The following WBP11 variants were observed in gnomAD, a reference collection of about 807,000 sequenced individuals.
WBP11 encodes the protein WW domain-binding protein 11.
WBP11 carries 12 observed loss-of-function variants against 66.7 expected under a neutral mutation model. The ratio of observed to expected loss-of-function variants is 0.18; its 90% CI spans 0.12 to 0.29. The LOEUF is 0.29. Among genes scored for constraint, WBP11 ranks in the 10% least tolerant of loss-of-function variants. The probability of loss-of-function intolerance (pLI) is 1.00; values close to 1 mark genes in which losing one functional copy is unlikely to be tolerated. For missense variants in WBP11, 555 were observed against 818.3 expected (o/e 0.68, Z 3.93); for synonymous variants, 255 against 273.8 (o/e 0.93, Z 0.68).
intron 2 of WBP11, 172 bp from the exon 3 acceptor site, chr12:14,800,955 C>T: frequency 1.9e-6 from 1 of 521,294 alleles, no homozygotes; most frequent in Non-Finnish European, 3.3e-6. Flanking sequence ...CTAATTATGA[C>T]AACCAAAAAT....
intron 3 of WBP11, 126 bp downstream of exon 3, chr12:14,800,626 T>C: frequency 1.1e-6 from 1 of 947,876 alleles, no homozygotes; most frequent in South Asian, 1.6e-5. Context: ...CTTACAGTTT[T>C]TATAAAAAGC....
intron 11 of WBP11, 98 bp downstream of exon 11, chr12:14,788,853 G>T: frequency 1.5e-6 from 1 of 649,328 alleles, no homozygotes; most frequent in Non-Finnish European, 2.4e-6. Flanking sequence ...ACTGTAAGAT[G>T]ACCTCAGATT....
rs760962471 is a variant in WBP11 at position 14,790,587 on chromosome 12, G to A, written c.1178C>T (p.Pro393Leu). The A allele has an allele frequency of 1.7e-5, 28 of 1,613,886 alleles. No homozygotes were observed. The highest frequency in any genetic ancestry group is 5.5e-5 in the South Asian group (5 of 91,080). Residue 393 changes from proline to leucine, a missense_variant, in exon 10 of 12, where the codon CCG (proline) becomes CTG (leucine). Coordinates refer to ENST00000261167, the MANE Select transcript of WBP11 (RefSeq NM_016312.3). ...TSTASSQQQAPPQSVPPSQIQ... is the reference protein window; with the variant it reads ...TSTASSQQQALPQSVPPSQIQ... ...CTGAGAAGGAGGAACAGACTGCGGC[G>A]GAGCCTGCTGCTGTGAAGAAGCAGT...
At chr12:14,790,314 G>C in intron 10 of WBP11, 142 bp downstream of exon 10, 10 of 1,162,938 alleles carry the variant, frequency 8.6e-6, no homozygotes, top group Non-Finnish European at 1.2e-5. Flanking sequence ...ACCTTTACTT[G>C]TCCTTTGAGA....
intron 10 of WBP11, among the ~76,000 whole-genome samples, chr12:14,790,185 A>G (rs193080604): frequency 1.3e-5 from 2 of 152,368 alleles, no homozygotes; most frequent in Admixed American, 1.3e-4. Context: ...AACCTCCATT[A>G]CATGTTCAAG....
At position 14,784,702 on chromosome 12, in the gene WBP11, T is replaced by C. The variant is rs902952462; in HGVS notation, c.*2363A>G. ...GATTCCATGACATGGCAGAGTATTA[T>C]TGTGGTGATCCTTAATTTAAAGGGG... On this transcript the variant is annotated 3_prime_UTR_variant, in exon 12 of 12. Transcript: ENST00000261167. 6.6e-6 allele frequency: 1 copy of C among 152,156 alleles called. No homozygotes were observed. The highest frequency in any genetic ancestry group is 6.5e-5 in the Admixed American group (1 of 15,276). The allele number at this position is 152,156 out of a possible 1,614,324, so 9.4% of individuals were successfully genotyped here. A position where few individuals can be genotyped will look rare whatever the true frequency, so the allele number is the denominator to read the frequency against.
chr12:14,797,675 A>C (rs1949909245), intron 4 of WBP11, among the ~76,000 whole-genome samples: 1 of 152,218 alleles, frequency 6.6e-6, no homozygotes, highest in Non-Finnish European at 1.5e-5. Context: ...CAATTAGCAC[A>C]TGATCCAAAC....
rs1472894735 is a variant in WBP11 at position 14,784,863 on chromosome 12, GATC to G, written c.*2199_*2201del. On this transcript the variant is annotated 3_prime_UTR_variant, in exon 12 of 12. Coordinates refer to ENST00000261167, the MANE Select transcript of WBP11 (RefSeq NM_016312.3). Reference sequence around the variant, plus strand: ...TTCATGAAAATATTATGTAAATTATGATCATAACAAGTGTACCCAGAATCAGAA... The same window carrying G: ...TTCATGAAAATATTATGTAAATTATGATAACAAGTGTACCCAGAATCAGAA... 2 of 152,140 alleles carry G rather than the reference GATC, an allele frequency of 1.3e-5. No homozygotes were observed. Among genetic ancestry groups the G allele is most frequent in the African/African-American group, 2.4e-5 (1 of 41,422 alleles). The allele number at this position is 152,140 out of a possible 1,614,324, so 9.4% of individuals were successfully genotyped here. A position where few individuals can be genotyped will look rare whatever the true frequency, so the allele number is the denominator to read the frequency against.
chr12:14,792,349 A>G (rs1339361034), intron 8 of WBP11, among the ~76,000 whole-genome samples: 1 of 152,230 alleles, frequency 6.6e-6, no homozygotes, highest in Non-Finnish European at 1.5e-5. Flanking sequence ...ACTGGATAGG[A>G]GTATTTTTAG....
chr12:14,803,280 C>T, intron 1 of WBP11, 72 bp downstream of exon 1: 1 of 396,100 alleles, frequency 2.5e-6, no homozygotes, highest in Non-Finnish European at 4.4e-6. Flanking sequence ...GGGTGTCCCC[C>T]AAGCCGCTGC....
At chr12:14,795,183 T>A in intron 5 of WBP11, 79 bp from the exon 6 acceptor site, 1 of 1,420,622 alleles carries the variant, frequency 7.0e-7, no homozygotes, top group Non-Finnish European at 9.2e-7. Context: ...GTCAGCTGTT[T>A]CGTAACTTGG....
At position 14,793,942 on chromosome 12, in the gene WBP11, C is replaced by T. The variant is rs775777835; in HGVS notation, c.722-20G>A. ...GCTGGGCTGAAAAGTGGGAAGGGAACATGGAGAAGTAGTATGATTGGACCC... is the reference window on the plus strand; with the variant it reads ...GCTGGGCTGAAAAGTGGGAAGGGAATATGGAGAAGTAGTATGATTGGACCC... On this transcript the variant is annotated intron_variant, in intron 7 of 11. Transcript: ENST00000261167. 1 of 1,583,292 alleles carries T rather than the reference C, an allele frequency of 6.3e-7. No homozygotes were observed. Among genetic ancestry groups the T allele is most frequent in the Non-Finnish European group, 8.6e-7 (1 of 1,164,056 alleles).
chr12:14,793,640 AG>A, intron 8 of WBP11, 90 bp downstream of exon 8: 3 of 1,428,192 alleles, frequency 2.1e-6, no homozygotes, highest in Non-Finnish European at 2.8e-6. Flanking sequence ...CAAAGATTTC[AG>A]AGTACTCTCA....
intron 4 of WBP11, 105 bp downstream of exon 4, chr12:14,799,530 G>C (rs1260185658): frequency 1.9e-6 from 2 of 1,030,676 alleles, no homozygotes; most frequent in African/African-American, 1.7e-5. Flanking sequence ...AGCATCAAAT[G>C]CCATCATGCT....
At chr12:14,798,213 A>G (rs1426606229) in intron 4 of WBP11, among the ~76,000 whole-genome samples, 2 of 152,160 alleles carry the variant, frequency 1.3e-5, no homozygotes, top group Non-Finnish European at 2.9e-5. Context: ...TCCTAGTGTG[A>G]TTAGTAAAAG....
intron 8 of WBP11, among the ~76,000 whole-genome samples, chr12:14,792,168 C>A (rs1592217840): frequency 6.6e-6 from 1 of 151,704 alleles, no homozygotes; most frequent in Non-Finnish European, 1.5e-5. Flanking sequence ...AAAATACAAG[C>A]AAGTTGAATC....
chr12:14,791,187 T>C lies in WBP11; in HGVS notation c.997A>G (p.Met333Val), dbSNP rs1949817599. 1.9e-6 allele frequency: 3 copies of C among 1,614,042 alleles called. No individual in the cohort carries two copies. The change falls in exon 9 of 12, where the codon ATG becomes GTG. Residue 333 changes from methionine (M) to valine (V), a missense_variant. By Grantham distance (21) the Met-to-Val change is conservative (BLOSUM62 1). Transcript: ENST00000261167. ...GCCTCACCTGCCATACGAAGCATCA[T>C]GGCTTGAAGAGGAGTCAGTTCCTTC... The part of the protein sequence containing the change: ...NMKELTPLQA[M>V]MLRMAGQEIP...
At chr12:14,787,719 C>T (rs1949770183) in intron 11 of WBP11, among the ~76,000 whole-genome samples, 2 of 152,112 alleles carry the variant, frequency 1.3e-5, no homozygotes, top group African/African-American at 4.8e-5. Context: ...GTATTATGTT[C>T]TCTTCTTCTC....
At position 14,794,618 on chromosome 12, in the gene WBP11, T is replaced by C; in HGVS notation, c.640A>G (p.Met214Val). The C allele has an allele frequency of 6.2e-7, 1 of 1,613,974 alleles. No homozygotes were observed. Among genetic ancestry groups the C allele is most frequent in the Middle Eastern group, 1.7e-4 (1 of 6,060 alleles). The change falls in exon 7 of 12, where the codon ATG becomes GTG. Residue 214 changes from methionine to valine, a missense_variant. By Grantham distance (21) the Met-to-Val change is conservative. Around this residue, in one of 6 missense-constraint regions of WBP11, gnomAD observed 220 missense variants for 268.2 expected, o/e 0.82. Coordinates refer to ENST00000261167, the MANE Select transcript of WBP11 (RefSeq NM_016312.3). ...PGPPPPQVVQMYGRKVGFALD... is the reference protein window; with the variant it reads ...PGPPPPQVVQVYGRKVGFALD... ...GCAAAACCCACTTTACGGCCATACA[T>C]CTGCACGACTTGAGGAGGAGGTGGA...
Sources: allele counts gnomAD v4.1 joint callset (sites outside exome capture counted in the v4.1 genomes callset), GRCh38; gene constraint gnomAD v4.1.1; regional missense constraint gnomAD v4.1.1; transcripts MANE v1.5; gene names NCBI Gene and HGNC (gene_info 2026-07-23, HGNC 2026-07-21).